Variants in LAIR1 observed in about 807,000 individuals in gnomAD.
LAIR1 encodes leukocyte-associated immunoglobulin-like receptor 1.
A neutral mutation model predicts 32.8 loss-of-function variants in LAIR1; 24 were observed. The ratio of observed to expected loss-of-function variants is 0.73; its 90% CI spans 0.53 to 1.03. The LOEUF (loss-of-function observed/expected upper bound fraction) is 1.03, where lower values mean the gene tolerates loss of function less well. Ranked by LOEUF, LAIR1 falls within the 50% of genes least tolerant of loss-of-function variation. The probability of loss-of-function intolerance (pLI) is 0.00; values close to 1 mark genes in which losing one functional copy is unlikely to be tolerated. For missense variants in LAIR1, 355 were observed against 347.5 expected, an observed-to-expected ratio of 1.02 and a Z score of -0.17; for synonymous variants, 150 against 140.5, an observed-to-expected ratio of 1.07 and a Z score of -0.48.
At chr19:54,374,391 C>T (rs7246949), upstream of LAIR1, among the ~76,000 whole-genome samples, 2,857 of 152,244 alleles carry the variant, frequency 0.019, 100 homozygotes, top group African/African-American at 0.064. Flanking sequence ...GGGTGACGGC[C>T]TTCTCCCCTC....
chr19:54,374,174 T>G (rs1399168617), upstream of LAIR1, among the ~76,000 whole-genome samples: 3 of 152,120 alleles, frequency 2.0e-5, no homozygotes, highest in Non-Finnish European at 2.9e-5. Flanking sequence ...TGAGAATGTA[T>G]AGCCCAGGAG....
upstream of LAIR1, among the ~76,000 whole-genome samples, chr19:54,375,156 G>A (rs1306085841): frequency 6.6e-6 from 1 of 152,186 alleles, no homozygotes; most frequent in Non-Finnish European, 1.5e-5. Context: ...ATGCCGTCCC[G>A]CCGTCATCTC....
chr19:54,355,231 TTC>T lies in LAIR1; in HGVS notation c.*35_*36del, dbSNP rs2081638455. ...GCTTCAGGCTTTTCCTAGAGTGACT[TTC>T]TACCCTCAGGTGCAGAGGCCAGGTG... On this transcript the variant is annotated 3_prime_UTR_variant, in exon 10 of 10. Transcript: ENST00000391742. This position sits in a 1 kb window ranked among gnomAD's most constrained non-coding sequence, Gnocchi z 4.7. 1 of 1,519,658 alleles carries T rather than the reference TTC, an allele frequency of 6.6e-7. No individual in the cohort carries two copies. The highest frequency in any genetic ancestry group is 1.4e-5 in the African/African-American group (1 of 70,896). The allele number at this position is 1,519,658 out of a possible 1,614,324, so 94.1% of individuals were successfully genotyped here. A position where few individuals can be genotyped will look rare whatever the true frequency, so the allele number is the denominator to read the frequency against.
upstream of LAIR1, among the ~76,000 whole-genome samples, chr19:54,371,048 A>AT (rs1254523755): frequency 2.0e-5 from 3 of 150,832 alleles, no homozygotes; most frequent in African/African-American, 4.9e-5. Context: ...ATTTAAAGAA[A>AT]TTTTTTTAAC....
chr19:54,366,384 A>G (rs901546801), upstream of LAIR1, among the ~76,000 whole-genome samples: 3 of 152,244 alleles, frequency 2.0e-5, no homozygotes, highest in African/African-American at 7.2e-5. Flanking sequence ...TAAGGATCTT[A>G]CTTGGAACTA....
In LAIR1 at chr19:54,355,948, G is replaced by T; in HGVS notation, c.717+6C>A. On this transcript the variant is annotated splice_donor_region_variant and intron_variant, in intron 9 of 9. Transcript: ENST00000391742. This position sits in a 1 kb window ranked among gnomAD's most constrained non-coding sequence, Gnocchi z 4.7. ...GGGTACTTTAATAACTAGTAGGAAG[G>T]CTCACCGAGGTGTCCGTCTCTCTGT... 1 of 1,583,658 alleles carries T rather than the reference G, an allele frequency of 6.3e-7. No individual in the cohort carries two copies. The highest frequency in any genetic ancestry group is 8.7e-7 in the Non-Finnish European group (1 of 1,151,884).
chr19:54,367,298 A>G (rs1165686032), upstream of LAIR1, among the ~76,000 whole-genome samples: 1 of 152,174 alleles, frequency 6.6e-6, no homozygotes, highest in African/African-American at 2.4e-5. Flanking sequence ...AGACAGGGGA[A>G]TTCAAGCTAA....
At chr19:54,363,581 T>C (rs565075568) in intron 2 of LAIR1, among the ~76,000 whole-genome samples, 41 of 152,282 alleles carry the variant, frequency 2.7e-4, no homozygotes, top group African/African-American at 9.9e-4. Context: ...ATGAGGAGAA[T>C]GTGCTGTGTA....
upstream of LAIR1, among the ~76,000 whole-genome samples, chr19:54,367,404 T>C (rs2082288356): frequency 6.6e-6 from 1 of 152,186 alleles, no homozygotes. Context: ...GCAATCCATC[T>C]AAAAAATAAC....
rs781005879 is a variant in LAIR1, at chr19:54,356,486, C to A, written c.583+5G>T. On this transcript the variant is annotated splice_donor_5th_base_variant and intron_variant, in intron 6 of 9. Coordinates refer to ENST00000391742, the MANE Select transcript of LAIR1 (RefSeq NM_002287.6). ...AGGTCACCCCACCCTGCCCCTGAGA[C>A]CTACCCTGCTTTATCTGATTCTGGC... 2.2e-5 allele frequency: 35 copies of A among 1,613,706 alleles called. 1 individual carries two copies. In the Admixed American group the frequency reaches 5.0e-4, roughly 23 times the overall value.
In LAIR1 at chr19:54,355,851, G is replaced by A. The variant is rs556028648; in HGVS notation, c.717+103C>T. On this transcript the variant is annotated intron_variant, in intron 9 of 9. Coordinates refer to ENST00000391742, the MANE Select transcript of LAIR1 (RefSeq NM_002287.6). The surrounding 1 kb of genome is among the most constrained non-coding windows in gnomAD (Gnocchi z 4.7). ...GCAACCTCAGGACAGGCCGTGAGCC[G>A]GAACCGCCCAGCTGAGCCACTCCTG... is the stretch of plus-strand genomic sequence containing the variant. 1.1e-4 allele frequency: 92 copies of A among 824,348 alleles called. No homozygotes were observed. The highest frequency in any genetic ancestry group is 8.5e-4 in the African/African-American group (51 of 60,332). 51.1% of individuals were successfully genotyped at this position (824,348 alleles called of 1,614,324 possible). A position where few individuals can be genotyped will look rare whatever the true frequency, so the allele number is the denominator to read the frequency against.
chr19:54,352,959 G>A lies in LAIR1; in HGVS notation c.*2309C>T, dbSNP rs111295265. On this transcript the variant is annotated 3_prime_UTR_variant, in exon 10 of 10. Coordinates refer to ENST00000391742, the MANE Select transcript of LAIR1 (RefSeq NM_002287.6). ...AGATCACCTGAGGTCGGGAGTTCAA[G>A]ACCAGCCTGAGCAACATGGAGAGCC... 124,445 of 151,860 alleles carry A rather than the reference G, an allele frequency of 0.82. 51,543 individuals carry two copies. Among genetic ancestry groups the A allele is most frequent in the Non-Finnish European group, 0.88 (60,080 of 67,998 alleles). 9.4% of individuals were successfully genotyped at this position (151,860 alleles called of 1,614,324 possible).
chr19:54,369,009 A>C (rs1413808506), upstream of LAIR1, among the ~76,000 whole-genome samples: 1 of 150,942 alleles, frequency 6.6e-6, no homozygotes, highest in Non-Finnish European at 1.5e-5. Flanking sequence ...TTTTAAACAC[A>C]CTTCTTACCT....
At chr19:54,363,195 G>C (rs28592273) in intron 2 of LAIR1, among the ~76,000 whole-genome samples, 22,260 of 151,772 alleles carry the variant, frequency 0.15, 1,815 homozygotes, top group Non-Finnish European at 0.19. Flanking sequence ...CGGCCTCGGG[G>C]AGCCACGGAG....
At chr19:54,374,074 G>A (rs2082463364), upstream of LAIR1, among the ~76,000 whole-genome samples, 3 of 151,758 alleles carry the variant, frequency 2.0e-5, no homozygotes, top group Admixed American at 2.0e-4. Context: ...TGCTTGCACT[G>A]TAAGGGTAAG....
chr19:54,367,252 G>C (rs2082284504), upstream of LAIR1, among the ~76,000 whole-genome samples: 1 of 152,192 alleles, frequency 6.6e-6, no homozygotes, highest in Non-Finnish European at 1.5e-5. Flanking sequence ...CTGAGACGTG[G>C]TGACAGTAAT....
chr19:54,353,020 G>A lies in LAIR1; in HGVS notation c.*2248C>T, dbSNP rs971520516. 2 of 152,230 alleles carry A rather than the reference G, an allele frequency of 1.3e-5. No homozygotes were observed. The highest frequency in any genetic ancestry group is 4.8e-5 in the African/African-American group (2 of 41,424). The allele number at this position is 152,230 out of a possible 1,614,324, so 9.4% of individuals were successfully genotyped here. ...AACAAAAATACAAAAAATTAGCCGTGTGTGGTGGTGCATGCCTGTAATCCC... is the reference window on the plus strand; with the variant it reads ...AACAAAAATACAAAAAATTAGCCGTATGTGGTGGTGCATGCCTGTAATCCC... On this transcript the variant is annotated 3_prime_UTR_variant, in exon 10 of 10. Transcript: ENST00000391742.
At chr19:54,367,445 A>G (rs1376440474), upstream of LAIR1, among the ~76,000 whole-genome samples, 1 of 152,170 alleles carries the variant, frequency 6.6e-6, no homozygotes, top group Non-Finnish European at 1.5e-5. Flanking sequence ...TTAATATAAT[A>G]TGTTAAAGAT....
exon 1 of LAIR1, chr19:54,370,287 C>T (rs2082373083): frequency 2.6e-6 from 4 of 1,544,146 alleles, no homozygotes; most frequent in South Asian, 1.2e-5. Context: ...TCTTCTGTCG[C>T]GGATGCAACC....
Sources: allele counts gnomAD v4.1 joint callset (sites outside exome capture counted in the v4.1 genomes callset), GRCh38; gene constraint gnomAD v4.1.1; non-coding constraint Gnocchi (gnomAD v3.1); transcripts MANE v1.5; gene names NCBI Gene and HGNC (gene_info 2026-07-23, HGNC 2026-07-21).